The following ANXA4 variants were observed in gnomAD, a reference collection of about 807,000 sequenced individuals.
The protein encoded by ANXA4 is 35-beta calcimedin.
A neutral mutation model predicts 49.8 loss-of-function variants in ANXA4; 39 were observed. The observed-to-expected ratio is 0.78, with a 90% CI of 0.61 to 1.02. ANXA4 has a LOEUF of 1.02. Ranked by LOEUF, ANXA4 falls within the 50% of genes least tolerant of loss-of-function variation. The probability of loss-of-function intolerance (pLI) is 0.00; values close to 1 mark genes in which losing one functional copy is unlikely to be tolerated. For synonymous variants in ANXA4, 134 were observed against 152.5 expected, an observed-to-expected ratio of 0.88 and a Z score of 0.89; for missense variants, 360 against 410.1, an observed-to-expected ratio of 0.88 and a Z score of 1.05.
chr2:69,755,354 T>C (rs1237505047), intron 1 of ANXA4, among the ~76,000 whole-genome samples: 1 of 152,250 alleles, frequency 6.6e-6, no homozygotes, highest in African/African-American at 2.4e-5. Context: ...GAACAGTGGC[T>C]CACGCCTGTA....
chr2:69,693,462 A>G (rs1435816272), intron 2 of ANXA4, among the ~76,000 whole-genome samples: 2 of 152,106 alleles, frequency 1.3e-5, no homozygotes, highest in Admixed American at 6.5e-5. Context: ...TCAGTGAGAC[A>G]TTTGGGGCTC....
chr2:69,786,073 C>T (rs1303650789), intron 2 of ANXA4, among the ~76,000 whole-genome samples: 1 of 152,162 alleles, frequency 6.6e-6, no homozygotes, highest in Non-Finnish European at 1.5e-5. Context: ...TTGACAATTC[C>T]ACTTGGATAT....
intron 2 of ANXA4, among the ~76,000 whole-genome samples, chr2:69,710,264 T>C (rs61637716): frequency 0.057 from 8,737 of 151,968 alleles, 863 homozygotes; most frequent in African/African-American, 0.2. Flanking sequence ...GGATTACAGG[T>C]GTGAGCCACC....
intron 3 of ANXA4, among the ~76,000 whole-genome samples, chr2:69,723,125 A>G (rs1573148432): frequency 6.7e-6 from 1 of 149,186 alleles, no homozygotes; most frequent in Non-Finnish European, 1.5e-5. Flanking sequence ...TGGGAGGTGG[A>G]GGTTGCAGTG....
chr2:69,753,993 C>T (rs1670951816), intron 1 of ANXA4, among the ~76,000 whole-genome samples: 1 of 152,174 alleles, frequency 6.6e-6, no homozygotes, highest in Non-Finnish European at 1.5e-5. Flanking sequence ...GGATTCTAAG[C>T]CTGAATGATC....
At chr2:69,714,630 G>C (rs1678813723) in intron 2 of ANXA4, among the ~76,000 whole-genome samples, 1 of 152,224 alleles carries the variant, frequency 6.6e-6, no homozygotes, top group East Asian at 1.9e-4. Flanking sequence ...ATACATGGGA[G>C]AGGGCCTGCG....
At chr2:69,764,137 G>A (rs140714146) in intron 1 of ANXA4, among the ~76,000 whole-genome samples, 1 of 152,280 alleles carries the variant, frequency 6.6e-6, no homozygotes, top group East Asian at 1.9e-4. Context: ...GAGAATCCCT[G>A]GTGATAGAAC....
At chr2:69,687,742 C>T (rs1236295843) in intron 2 of ANXA4, among the ~76,000 whole-genome samples, 1 of 152,102 alleles carries the variant, frequency 6.6e-6, no homozygotes, top group Non-Finnish European at 1.5e-5. Flanking sequence ...TTTCTAGTTG[C>T]CTCAGCCTCC....
chr2:69,736,155 A>C (rs1184124182), intron 3 of ANXA4, among the ~76,000 whole-genome samples: 7 of 152,190 alleles, frequency 4.6e-5, no homozygotes. Context: ...GTGCAGTCAC[A>C]GAAACCCATC....
intron 2 of ANXA4, among the ~76,000 whole-genome samples, chr2:69,718,996 T>C (rs1411316908): frequency 6.7e-6 from 1 of 148,990 alleles, no homozygotes; most frequent in African/African-American, 2.5e-5. Context: ...TTTTTTTTTG[T>C]GACTGAGTCT....
chr2:69,716,213 A>AG (rs1453711549), intron 2 of ANXA4, among the ~76,000 whole-genome samples: 1 of 152,210 alleles, frequency 6.6e-6, no homozygotes, highest in Non-Finnish European at 1.5e-5. Flanking sequence ...GTCTGGATCT[A>AG]GCCATTCCTG....
chr2:69,684,731 G>C (rs1441576835), intron 2 of ANXA4, among the ~76,000 whole-genome samples: 7 of 151,504 alleles, frequency 4.6e-5, no homozygotes, highest in Non-Finnish European at 1.0e-4. Flanking sequence ...ACCCCATCAG[G>C]TAAAATGTAG....
At chr2:69,661,709 A>G (rs1473286312) in intron 2 of ANXA4, among the ~76,000 whole-genome samples, 1 of 152,196 alleles carries the variant, frequency 6.6e-6, no homozygotes, top group Non-Finnish European at 1.5e-5. Context: ...GTAGTAGGGA[A>G]AACCAAGAAG....
intron 2 of ANXA4, among the ~76,000 whole-genome samples, chr2:69,708,728 C>G (rs950945834): frequency 1.3e-5 from 2 of 152,070 alleles, no homozygotes; most frequent in Non-Finnish European, 2.9e-5. Context: ...ATCGAGGGTG[C>G]CTGTGTACTC....
At chr2:69,806,298 G>A (rs1247332313) in intron 4 of ANXA4, 87 bp from the exon 5 acceptor site, 1 of 893,434 alleles carries the variant, frequency 1.1e-6, no homozygotes, top group African/African-American at 1.6e-5. Context: ...GGGTCTTGGA[G>A]ACCCCAGACA....
At chr2:69,664,381 A>G (rs1177116383) in intron 2 of ANXA4, among the ~76,000 whole-genome samples, 2 of 152,210 alleles carry the variant, frequency 1.3e-5, no homozygotes, top group Non-Finnish European at 2.9e-5. Flanking sequence ...GAACAACTAA[A>G]AATTGAATGG....
At chr2:69,746,944 G>A (rs111272246) in intron 1 of ANXA4, among the ~76,000 whole-genome samples, 2,928 of 152,144 alleles carry the variant, frequency 0.019, 41 homozygotes, top group African/African-American at 0.028. Context: ...GTTGCAGTGA[G>A]CCAAAATTGC....
intron 2 of ANXA4, among the ~76,000 whole-genome samples, chr2:69,684,379 A>G (rs1677707120): frequency 6.6e-6 from 1 of 152,218 alleles, no homozygotes; most frequent in Non-Finnish European, 1.5e-5. Context: ...TTATTCTGAA[A>G]CTATCAGATT....
At chr2:69,825,260 T>A (rs1674422465) in intron 12 of ANXA4, among the ~76,000 whole-genome samples, 196 bp from the exon 13 acceptor site, 1 of 152,128 alleles carries the variant, frequency 6.6e-6, no homozygotes, top group African/African-American at 2.4e-5. Flanking sequence ...GATGATGGAA[T>A]AATGGTTGAT....
Sources: allele counts gnomAD v4.1 joint callset (sites outside exome capture counted in the v4.1 genomes callset), GRCh38; gene constraint gnomAD v4.1.1; transcripts MANE v1.5; gene names NCBI Gene and HGNC (gene_info 2026-07-23, HGNC 2026-07-21).